The following TAFA1 variants were observed in gnomAD, a reference collection of about 807,000 sequenced individuals.
The protein encoded by TAFA1 is TAFA chemokine like family member 1.
TAFA1 carries 4 observed loss-of-function variants against 18.5 expected under a neutral mutation model. The observed-to-expected ratio is 0.22, with a 90% CI of 0.11 to 0.49. The LOEUF is 0.49. Among genes scored for constraint, TAFA1 ranks in the 20% least tolerant of loss-of-function variants. TAFA1 has a pLI of 0.98. For missense variants in TAFA1, 147 were observed against 169.0 expected, an observed-to-expected ratio of 0.87 and a Z score of 0.72; for synonymous variants, 56 against 55.2, an observed-to-expected ratio of 1.01 and a Z score of -0.06.
At position 68,208,583 on chromosome 3, in the gene TAFA1, C is replaced by A. The variant is rs564988835; in HGVS notation, c.118+201839C>A. Among the ~76,000 whole-genome samples, 3 of 152,048 alleles carry A rather than the reference C, an allele frequency of 2.0e-5. No homozygotes were observed. In the East Asian group the frequency reaches 5.9e-4, roughly 30 times the overall value. On this transcript the variant is annotated intron_variant, in intron 2 of 4. Transcript: ENST00000478136. ...ACATAGAGCCTTCTGGTTTTTGAAC[C>A]AAACTCAGATCCAGCAAGGCCTCAT...
At chr3:68,186,898 T>C (rs1336910049) in intron 2 of TAFA1, among the ~76,000 whole-genome samples, 1 of 152,048 alleles carries the variant, frequency 6.6e-6, no homozygotes, top group African/African-American at 2.4e-5. Flanking sequence ...CTAGCCCACA[T>C]ATGATTCTTC....
At chr3:68,503,162 A>C (rs1365883846) in intron 3 of TAFA1, among the ~76,000 whole-genome samples, 1 of 152,146 alleles carries the variant, frequency 6.6e-6, no homozygotes, top group Admixed American at 6.6e-5. Flanking sequence ...CAGATGAACA[A>C]CACACATAGA....
chr3:68,481,926 C>T (rs1469220805), intron 3 of TAFA1, among the ~76,000 whole-genome samples: 3 of 152,212 alleles, frequency 2.0e-5, no homozygotes, highest in African/African-American at 7.2e-5. Context: ...CAAATTCACC[C>T]TACTAGAGTA....
chr3:68,498,384 G>A (rs577735694), intron 3 of TAFA1, among the ~76,000 whole-genome samples: 63 of 148,484 alleles, frequency 4.2e-4, no homozygotes, highest in South Asian at 3.8e-3. Flanking sequence ...GATACACCTA[G>A]GAGGCAGGGT....
At chr3:68,052,081 G>A (rs2064477465) in intron 2 of TAFA1, among the ~76,000 whole-genome samples, 1 of 152,006 alleles carries the variant, frequency 6.6e-6, no homozygotes, top group Non-Finnish European at 1.5e-5. Flanking sequence ...ATTTACACCT[G>A]TTTGACTCTC....
chr3:68,464,199 G>A (rs555857268), intron 3 of TAFA1, among the ~76,000 whole-genome samples: 46 of 152,268 alleles, frequency 3.0e-4, no homozygotes, highest in African/African-American at 1.1e-3. Flanking sequence ...CTGGAGCTTT[G>A]TAGACAAAGA....
chr3:68,038,898 G>T (rs994930839), intron 2 of TAFA1, among the ~76,000 whole-genome samples: 6 of 152,106 alleles, frequency 3.9e-5, no homozygotes, highest in Non-Finnish European at 8.8e-5. Flanking sequence ...TTCATAAAAA[G>T]GGATGCTATT....
chr3:68,483,108 A>C (rs2106661344), intron 3 of TAFA1, among the ~76,000 whole-genome samples: 1 of 152,344 alleles, frequency 6.6e-6, no homozygotes, highest in Non-Finnish European at 1.5e-5. Flanking sequence ...AAAAAGGTGC[A>C]TCCAGGCCTC....
chr3:68,450,511 C>G (rs577436148), intron 3 of TAFA1, among the ~76,000 whole-genome samples: 4 of 152,292 alleles, frequency 2.6e-5, no homozygotes, highest in Admixed American at 2.6e-4. Flanking sequence ...TCAAGAATGG[C>G]TCATGGGCAG....
At chr3:68,514,166 C>T (rs1214334056) in intron 3 of TAFA1, among the ~76,000 whole-genome samples, 2 of 152,144 alleles carry the variant, frequency 1.3e-5, no homozygotes, top group Non-Finnish European at 2.9e-5. Flanking sequence ...AACACTATCA[C>T]TTTGGAGGTT....
At chr3:68,256,300 G>A (rs995296884) in intron 2 of TAFA1, among the ~76,000 whole-genome samples, 2 of 152,110 alleles carry the variant, frequency 1.3e-5, no homozygotes, top group African/African-American at 4.8e-5. Context: ...GGGAAATGCT[G>A]CTTTTTCAAT....
At chr3:68,420,490 G>C (rs796636808) in intron 3 of TAFA1, among the ~76,000 whole-genome samples, 1 of 152,098 alleles carries the variant, frequency 6.6e-6, no homozygotes, top group Non-Finnish European at 1.5e-5. Context: ...AAGGTGCTAG[G>C]ATTACAGGCA....
intron 3 of TAFA1, among the ~76,000 whole-genome samples, chr3:68,499,670 G>T (rs767451687): frequency 1.8e-4 from 27 of 151,576 alleles, no homozygotes; most frequent in Non-Finnish European, 3.2e-4. Flanking sequence ...TAGAACTAAG[G>T]TATTATTTGA....
intron 3 of TAFA1, among the ~76,000 whole-genome samples, chr3:68,432,665 C>T (rs191741848): frequency 5.3e-5 from 8 of 152,068 alleles, no homozygotes; most frequent in East Asian, 3.9e-4. Context: ...ACAAGTTGAA[C>T]GCGACATGCC....
At chr3:68,259,885 A>C (rs1271484070) in intron 2 of TAFA1, among the ~76,000 whole-genome samples, 1 of 152,114 alleles carries the variant, frequency 6.6e-6, no homozygotes. Flanking sequence ...ATCTGCAAAC[A>C]GGGACAATTT....
intron 4 of TAFA1, among the ~76,000 whole-genome samples, chr3:68,540,049 G>C (rs867534379): frequency 6.6e-6 from 1 of 152,002 alleles, no homozygotes. Flanking sequence ...TATTAATCTT[G>C]ACTTACTCTT....
chr3:68,513,520 T>G (rs1467603917), intron 3 of TAFA1, among the ~76,000 whole-genome samples: 1 of 152,142 alleles, frequency 6.6e-6, no homozygotes, highest in African/African-American at 2.4e-5. Flanking sequence ...TAGTGTTAGC[T>G]TTTTTAGCAT....
chr3:68,444,975 A>G (rs1418978174), intron 3 of TAFA1, among the ~76,000 whole-genome samples: 1 of 151,872 alleles, frequency 6.6e-6, no homozygotes. Context: ...GTTTAATTAA[A>G]TTACATATTT....
intron 2 of TAFA1, among the ~76,000 whole-genome samples, chr3:68,241,375 G>T (rs1040866955): frequency 6.6e-6 from 1 of 152,124 alleles, no homozygotes; most frequent in East Asian, 1.9e-4. Flanking sequence ...ACCTTCTGGG[G>T]ATGTTTTTGG....
Sources: allele counts gnomAD v4.1 joint callset (sites outside exome capture counted in the v4.1 genomes callset), GRCh38; gene constraint gnomAD v4.1.1; transcripts MANE v1.5; gene names NCBI Gene and HGNC (gene_info 2026-07-23, HGNC 2026-07-21).